Variants in LTBP1 observed in about 807,000 individuals in gnomAD.
LTBP1 encodes the protein latent transforming growth factor beta binding protein 1.
In LTBP1, 129 loss-of-function variants were observed where a neutral mutation model predicts 207.6. That is an observed-to-expected ratio of 0.62 (90% CI 0.54 to 0.72). The LOEUF (loss-of-function observed/expected upper bound fraction) is 0.72, where lower values mean the gene tolerates loss of function less well. Ranked by LOEUF, LTBP1 falls within the 30% of genes least tolerant of loss-of-function variation. The pLI is 0.00. For synonymous variants in LTBP1, 963 were observed against 833.7 expected (o/e 1.16, Z -2.67); for missense variants, 2,281 against 2,217.2 (o/e 1.03, Z -0.58).
chr2:33,352,267 G>A (rs1403686473), intron 26 of LTBP1, among the ~76,000 whole-genome samples: 1 of 152,012 alleles, frequency 6.6e-6, no homozygotes, highest in African/African-American at 2.4e-5. Flanking sequence ...GGGTAGCTGG[G>A]ATTATAGGAG....
intron 19 of LTBP1, among the ~76,000 whole-genome samples, chr2:33,289,824 A>T (rs1017353849): frequency 1.3e-5 from 2 of 152,174 alleles, no homozygotes; most frequent in Non-Finnish European, 2.9e-5. Flanking sequence ...TTTGAGCTCT[A>T]CCATGAAAAC....
chr2:33,394,968 GCTCCATCCATGTTC>G (rs1279043313), intron 32 of LTBP1, among the ~76,000 whole-genome samples: 1 of 152,124 alleles, frequency 6.6e-6, no homozygotes. Context: ...TAGGCCTCCA[GCTCCATCCATGTTC>G]CTGCAAAAGA....
At chr2:33,347,788 G>A (rs1193094055) in intron 26 of LTBP1, among the ~76,000 whole-genome samples, 1 of 152,182 alleles carries the variant, frequency 6.6e-6, no homozygotes, top group Non-Finnish European at 1.5e-5. Context: ...ACATTTGCTG[G>A]GGATTGCTTA....
chr2:33,297,967 G>A (rs1204645114), intron 20 of LTBP1, among the ~76,000 whole-genome samples: 2 of 152,148 alleles, frequency 1.3e-5, no homozygotes, highest in Non-Finnish European at 2.9e-5. Flanking sequence ...TCCATCTGAT[G>A]TTTTTCTCAT....
chr2:33,048,044 A>G (rs1438478502), intron 3 of LTBP1, among the ~76,000 whole-genome samples: 1 of 152,012 alleles, frequency 6.6e-6, no homozygotes, highest in Non-Finnish European at 1.5e-5. Context: ...TTTTTTTTAA[A>G]CCACAAGGGA....
At chr2:33,244,898 G>A (rs2092458033) in intron 10 of LTBP1, among the ~76,000 whole-genome samples, 1 of 148,538 alleles carries the variant, frequency 6.7e-6, no homozygotes, top group Non-Finnish European at 1.5e-5. Context: ...TTATTTTTGA[G>A]ACAGAGTTTC....
At position 33,184,709 on chromosome 2, in the gene LTBP1, C is replaced by G. The variant is rs529047369; in HGVS notation, c.1202-2147C>G. Among the ~76,000 whole-genome samples, 3 of 150,638 alleles carry G rather than the reference C, an allele frequency of 2.0e-5. No individual in the cohort carries two copies. In the South Asian group the frequency reaches 6.3e-4, roughly 31 times the overall value. ...CCTAGATGGGCAGGGACTGAATCTT[C>G]TATACCATGAGGAATGGCATTTGAC... On this transcript the variant is annotated intron_variant, in intron 5 of 33. Transcript: ENST00000404816.
intron 3 of LTBP1, among the ~76,000 whole-genome samples, chr2:33,108,547 A>G (rs1223759134): frequency 1.3e-5 from 2 of 151,950 alleles, no homozygotes; most frequent in Non-Finnish European, 2.9e-5. Context: ...CGCTTCCTCA[A>G]TTCAGAGGGG....
intron 3 of LTBP1, among the ~76,000 whole-genome samples, chr2:33,034,936 C>T (rs904118149): frequency 3.3e-5 from 5 of 152,068 alleles, no homozygotes; most frequent in African/African-American, 9.7e-5. Context: ...CAATGTTCTT[C>T]AGTTTTATTT....
At chr2:33,050,161 T>C (rs1330034938) in intron 3 of LTBP1, among the ~76,000 whole-genome samples, 3 of 151,232 alleles carry the variant, frequency 2.0e-5, no homozygotes, top group African/African-American at 4.9e-5. Flanking sequence ...TTTCTTTTTT[T>C]TTTTTTTCCC....
chr2:33,291,734 C>G (rs1027205567), intron 19 of LTBP1: 70 of 152,268 alleles, frequency 4.6e-4, no homozygotes, highest in African/African-American at 1.6e-3. Context: ...CGTGTGCACA[C>G]TCACAGATAC....
At chr2:33,280,255 G>A (rs2093532972) in intron 19 of LTBP1, 97 bp downstream of exon 19, 20 of 1,230,646 alleles carry the variant, frequency 1.6e-5, no homozygotes, top group Middle Eastern at 2.0e-4. Flanking sequence ...CTTTCAAAAT[G>A]AAAAAATGAA....
chr2:33,033,135 G>C (rs13417308), intron 3 of LTBP1, among the ~76,000 whole-genome samples: 21,404 of 152,004 alleles, frequency 0.14, 1,604 homozygotes, highest in South Asian at 0.21. Flanking sequence ...CAGGCAGTGT[G>C]CTAGCAGCCA....
rs139882795 is a variant in LTBP1 at position 33,099,414 on chromosome 2, A to T, written c.864-11168A>T. ...CCTGAGAGATTCTCTTCCTAATTTG[A>T]ACAGATATCTACTTGTATATTACAT... On this transcript the variant is annotated intron_variant, in intron 3 of 33. Coordinates refer to ENST00000404816, the MANE Select transcript of LTBP1 (RefSeq NM_206943.4). Among the ~76,000 whole-genome samples, 5 of 152,338 alleles carry T rather than the reference A, an allele frequency of 3.3e-5. No homozygotes were observed. In the South Asian group the frequency reaches 1.0e-3, roughly 32 times the overall value.
intron 2 of LTBP1, among the ~76,000 whole-genome samples, chr2:33,014,868 C>T (rs994945710): frequency 8.5e-5 from 13 of 152,112 alleles, no homozygotes; most frequent in Non-Finnish European, 1.5e-4. Context: ...TTTCAGAAGA[C>T]CAACCTGGTA....
intron 18 of LTBP1, 94 bp downstream of exon 18, chr2:33,276,017 C>A: frequency 7.0e-7 from 1 of 1,422,160 alleles, no homozygotes; most frequent in Non-Finnish European, 9.3e-7. Context: ...ACACTCAGTG[C>A]GTGACACCAG....
At chr2:33,130,442 T>C (rs894612753) in intron 4 of LTBP1, among the ~76,000 whole-genome samples, 10 of 152,252 alleles carry the variant, frequency 6.6e-5, no homozygotes, top group African/African-American at 2.4e-4. Flanking sequence ...GTTACATTTA[T>C]TTCTCTGCTT....
chr2:33,372,308 G>A (rs1162734504), intron 31 of LTBP1, among the ~76,000 whole-genome samples: 3 of 152,188 alleles, frequency 2.0e-5, no homozygotes, highest in Non-Finnish European at 4.4e-5. Flanking sequence ...GTAACAAAGT[G>A]AAGAATTAAA....
At chr2:33,257,597 A>G in intron 12 of LTBP1, 86 bp downstream of exon 12, 1 of 1,126,404 alleles carries the variant, frequency 8.9e-7, no homozygotes, top group Non-Finnish European at 1.3e-6. Context: ...TCTAGAACAG[A>G]GTTTCTCAGC....
Sources: allele counts gnomAD v4.1 joint callset (sites outside exome capture counted in the v4.1 genomes callset), GRCh38; gene constraint gnomAD v4.1.1; transcripts MANE v1.5; gene names NCBI Gene and HGNC (gene_info 2026-07-23, HGNC 2026-07-21).